FER1L6: variants seen among roughly 807,000 people sequenced by gnomAD.
The protein encoded by FER1L6 is fer-1-like protein 6.
In FER1L6, 177 loss-of-function variants were observed where a neutral mutation model predicts 219.2. The observed-to-expected ratio is 0.81, with a 90% confidence interval of 0.71 to 0.91. The LOEUF is 0.91. FER1L6 is among the 40% of genes least tolerant of loss of function. FER1L6 has a pLI of 0.00. For missense variants in FER1L6, 2,153 were observed against 2,259.9 expected (o/e 0.95, Z 0.96); for synonymous variants, 768 against 824.3 (o/e 0.93, Z 1.17).
chr8:124,003,785 T>C (rs1817532842), intron 13 of FER1L6, among the ~76,000 whole-genome samples: 3 of 152,010 alleles, frequency 2.0e-5, no homozygotes, highest in African/African-American at 7.2e-5. Context: ...AATTTTTTAA[T>C]CTCAGCTATG....
chr8:124,105,828 G>T (rs1822747910), intron 39 of FER1L6, among the ~76,000 whole-genome samples: 1 of 152,164 alleles, frequency 6.6e-6, no homozygotes, highest in Non-Finnish European at 1.5e-5. Context: ...TCATGAAAAG[G>T]AATGAAATAC....
chr8:123,974,659 CAAAAAAAA>C (rs994690186), intron 7 of FER1L6, among the ~76,000 whole-genome samples: 3 of 47,802 alleles, frequency 6.3e-5, no homozygotes, highest in Admixed American at 5.0e-4. Flanking sequence ...GACTCTGTCT[CAAAAAAAA>C]AAAAAAAAAA....
rs781764970 is a variant in FER1L6, at chr8:124,061,849, C to T, written c.3148-3C>T. On this transcript the variant is annotated splice_region_variant and splice_polypyrimidine_tract_variant and intron_variant, in intron 24 of 40. Transcript: ENST00000522917. ...CCTTCTTCATCTCATCCTCTCTCTG[C>T]AGGAACTGCCTGAGAACGAGCTTCT... The T allele has an allele frequency of 2.9e-5, 46 of 1,613,032 alleles. No individual in the cohort carries two copies. In the South Asian group the frequency reaches 4.9e-4, roughly 17 times the overall value.
chr8:124,097,995 G>C, intron 37 of FER1L6, 112 bp downstream of exon 37: 1 of 562,272 alleles, frequency 1.8e-6, no homozygotes, highest in African/African-American at 1.9e-5. Context: ...CACAAAGTGA[G>C]CCATCTTACT....
At chr8:123,914,095 C>T (rs1400767203) in intron 1 of FER1L6, among the ~76,000 whole-genome samples, 2 of 152,194 alleles carry the variant, frequency 1.3e-5, no homozygotes, top group Non-Finnish European at 2.9e-5. Flanking sequence ...TCTAAATTAA[C>T]TTTAAAAAAT....
rs555225413 is a variant in FER1L6 at position 123,995,659 on chromosome 8, G to T, written c.1520-7508G>T. Among the ~76,000 whole-genome samples the T allele has an allele frequency of 3.8e-3, 572 of 151,892 alleles. 1 individual carries two copies. The highest frequency in any genetic ancestry group is 0.013 in the South Asian group (60 of 4,800). On this transcript the variant is annotated intron_variant, in intron 12 of 40. Coordinates refer to ENST00000522917, the MANE Select transcript of FER1L6 (RefSeq NM_001039112.2). ...TGTATTGTTTTTATGTTGTTGTTTA[G>T]ATTTCATTTAGTTCTGCTCTGCTCT... is the stretch of plus-strand genomic sequence containing the variant.
At chr8:124,007,955 T>C (rs921772400) in intron 13 of FER1L6, among the ~76,000 whole-genome samples, 6 of 152,216 alleles carry the variant, frequency 3.9e-5, no homozygotes, top group Non-Finnish European at 5.9e-5. Context: ...ATTGCCTTTT[T>C]CCATAGGTTT....
intron 13 of FER1L6, among the ~76,000 whole-genome samples, chr8:124,009,349 A>G (rs942715772): frequency 6.6e-6 from 1 of 152,104 alleles, no homozygotes; most frequent in Non-Finnish European, 1.5e-5. Flanking sequence ...ATTTCATAAG[A>G]AGGGATTGTT....
intron 1 of FER1L6, among the ~76,000 whole-genome samples, chr8:123,902,841 A>AT (rs775538507): frequency 2.0e-5 from 3 of 151,804 alleles, no homozygotes; most frequent in East Asian, 3.9e-4. Flanking sequence ...TTGCCTGTGT[A>AT]TTTTTTGTTG....
chr8:124,000,336 C>T (rs1338411474), intron 12 of FER1L6, among the ~76,000 whole-genome samples: 1 of 152,106 alleles, frequency 6.6e-6, no homozygotes, highest in Non-Finnish European at 1.5e-5. Context: ...ATGTTAAAAC[C>T]AGGTACTGTG....
rs543897751 is a variant in FER1L6, at chr8:124,023,379, CT to C, written c.2134-62del. The stretch of plus-strand genomic sequence containing the variant: ...CAGGATAGCAGAACTCTGCAAGTGC[CT>C]TTGTTCAATGCCAACCTTTCAAATC... On this transcript the variant is annotated intron_variant, in intron 17 of 40. Transcript: ENST00000522917. The C allele has an allele frequency of 5.8e-5, 89 of 1,525,102 alleles. No homozygotes were observed. The Middle Eastern group carries it at 6.9e-4, about 12-fold the overall frequency. The allele number at this position is 1,525,102 out of a possible 1,614,324, so 94.5% of individuals were successfully genotyped here.
At chr8:124,001,715 T>C (rs1446275797) in intron 12 of FER1L6, among the ~76,000 whole-genome samples, 2 of 152,230 alleles carry the variant, frequency 1.3e-5, no homozygotes, top group South Asian at 2.1e-4. Flanking sequence ...TAGAAACACA[T>C]TGAGGTCACT....
intron 7 of FER1L6, 84 bp downstream of exon 7, chr8:123,973,596 G>T: frequency 1.0e-6 from 1 of 987,782 alleles, no homozygotes; most frequent in Middle Eastern, 2.1e-4. Flanking sequence ...TCACTCACCT[G>T]TGTGACCATT....
chr8:123,971,576 C>G (rs1815818678), intron 6 of FER1L6, among the ~76,000 whole-genome samples: 1 of 152,200 alleles, frequency 6.6e-6, no homozygotes, highest in Admixed American at 6.5e-5. Flanking sequence ...ATCTCTGTTT[C>G]TCTAACTTCG....
At chr8:124,026,023 A>T (rs1055949299) in intron 18 of FER1L6, among the ~76,000 whole-genome samples, 31 of 152,178 alleles carry the variant, frequency 2.0e-4, no homozygotes, top group African/African-American at 7.0e-4. Context: ...AAAATATAAA[A>T]TTTTCAACTG....
At position 123,852,979 on chromosome 8, in the gene FER1L6, ATG is replaced by A. The variant is rs1816540835; in HGVS notation, c.-8+798_-8+799del. 1.3e-5 allele frequency among the ~76,000 whole-genome samples: 2 copies of A among 152,104 alleles called. No homozygotes were observed. On this transcript the variant is annotated intron_variant, in intron 1 of 40. Coordinates refer to ENST00000522917, the MANE Select transcript of FER1L6 (RefSeq NM_001039112.2). The surrounding 1 kb of genome is among the most constrained non-coding windows in gnomAD (Gnocchi z 4.9). ...TATGTATTAGATATAGATGTATTCT[ATG>A]TGTCTATTTAGCTACCTATCAGATC...
chr8:123,904,701 C>A (rs1409765610), intron 1 of FER1L6, among the ~76,000 whole-genome samples: 2 of 152,164 alleles, frequency 1.3e-5, no homozygotes, highest in African/African-American at 4.8e-5. Flanking sequence ...TCCACTGTTA[C>A]ACAGTGAGTC....
intron 39 of FER1L6, among the ~76,000 whole-genome samples, chr8:124,114,578 A>T (rs1237428455): frequency 6.6e-6 from 1 of 152,096 alleles, no homozygotes; most frequent in East Asian, 1.9e-4. Flanking sequence ...AGTCTGGGAT[A>T]TCTCAGTGGG....
At chr8:124,075,190 T>C in intron 31 of FER1L6, among the ~76,000 whole-genome samples, 1 of 152,256 alleles carries the variant, frequency 6.6e-6, no homozygotes, top group East Asian at 1.9e-4. Flanking sequence ...TTTTAACTTT[T>C]GACGCTGGTC....
Sources: allele counts gnomAD v4.1 joint callset (sites outside exome capture counted in the v4.1 genomes callset), GRCh38; gene constraint gnomAD v4.1.1; non-coding constraint Gnocchi (gnomAD v3.1); transcripts MANE v1.5; gene names NCBI Gene and HGNC (gene_info 2026-07-23, HGNC 2026-07-21).